PDE7B: variants seen among roughly 807,000 people sequenced by gnomAD.
PDE7B encodes the protein 3',5'-cyclic-AMP phosphodiesterase 7B.
A neutral mutation model predicts 56.2 loss-of-function variants in PDE7B; 29 were observed. That is an observed-to-expected ratio of 0.52 (90% CI 0.38 to 0.70). The LOEUF is 0.70. Among genes scored for constraint, PDE7B ranks in the 30% least tolerant of loss-of-function variants. The pLI, the probability that PDE7B is intolerant of heterozygous loss-of-function variation, is 0.00. For synonymous variants in PDE7B, 197 were observed against 196.9 expected, an observed-to-expected ratio of 1.00 and a Z score of 0.00; for missense variants, 490 against 565.0, an observed-to-expected ratio of 0.87 and a Z score of 1.35.
At chr6:136,066,361 G>T (rs2128213311) in intron 2 of PDE7B, among the ~76,000 whole-genome samples, 1 of 152,284 alleles carries the variant, frequency 6.6e-6, no homozygotes, top group Non-Finnish European at 1.5e-5. Flanking sequence ...GATAGGAGAG[G>T]TGGGATGACT....
intron 1 of PDE7B, among the ~76,000 whole-genome samples, chr6:135,931,153 G>A (rs1486443920): frequency 6.6e-6 from 1 of 152,160 alleles, no homozygotes; most frequent in African/African-American, 2.4e-5. Flanking sequence ...ATAAAGACTA[G>A]TAATGATTTC....
At chr6:136,132,513 A>G (rs113491488) in intron 3 of PDE7B, among the ~76,000 whole-genome samples, 1,862 of 152,076 alleles carry the variant, frequency 0.012, 14 homozygotes, top group South Asian at 0.018. Flanking sequence ...ACCTTTCCAA[A>G]CTCATTTCTT....
At chr6:136,164,373 C>T (rs1201427504) in intron 8 of PDE7B, among the ~76,000 whole-genome samples, 1 of 152,104 alleles carries the variant, frequency 6.6e-6, no homozygotes, top group Non-Finnish European at 1.5e-5. Context: ...CCTCCTGTCA[C>T]ATGTATGGAT....
intron 1 of PDE7B, among the ~76,000 whole-genome samples, chr6:135,877,358 C>CTTTTTT (rs11302793): frequency 7.9e-6 from 1 of 126,948 alleles, no homozygotes; most frequent in Non-Finnish European, 1.7e-5. Context: ...TTACACATTC[C>CTTTTTT]TTTTTTTTTT....
intron 3 of PDE7B, among the ~76,000 whole-genome samples, chr6:136,146,473 G>A (rs138804806): frequency 1.3e-3 from 201 of 152,284 alleles, no homozygotes; most frequent in African/African-American, 4.3e-3. Context: ...ACCAGTAAGA[G>A]AGAATACACC....
At chr6:135,973,845 C>T (rs4072488) in intron 2 of PDE7B, among the ~76,000 whole-genome samples, 61,864 of 152,020 alleles carry the variant, frequency 0.41, 12,747 homozygotes, top group Admixed American at 0.53. Context: ...CCCATTTGAA[C>T]GGTAACACTT....
Position 135,963,105 on chromosome 6 carries a change from C to T in PDE7B, c.82+15581C>T, listed in dbSNP as rs151162316. On this transcript the variant is annotated intron_variant, in intron 2 of 12. Coordinates refer to ENST00000308191, the MANE Select transcript of PDE7B (RefSeq NM_018945.4). ...TGGAACTTTCTGAGGTTCTCAAAATCGAAACATGTAACACAGCCACACTAG... is the reference window on the plus strand; with the variant it reads ...TGGAACTTTCTGAGGTTCTCAAAATTGAAACATGTAACACAGCCACACTAG... Among the ~76,000 whole-genome samples, 239 of 152,240 alleles carry T rather than the reference C, an allele frequency of 1.6e-3. 1 individual carries two copies. In the East Asian group the frequency reaches 0.027, roughly 17 times the overall value.
chr6:135,900,344 T>G (rs1223314151), intron 1 of PDE7B, among the ~76,000 whole-genome samples: 2 of 152,136 alleles, frequency 1.3e-5, no homozygotes, highest in Admixed American at 6.6e-5. Flanking sequence ...GTTTTTTATA[T>G]GTTCTTTTAT....
intron 2 of PDE7B, chr6:136,044,268 G>A (rs1363947243): frequency 6.6e-6 from 1 of 152,012 alleles, no homozygotes; most frequent in Admixed American, 6.6e-5. Context: ...TCTCCTTCTA[G>A]ATTCCAGCTC....
At chr6:136,133,685 G>T (rs1389782453) in intron 3 of PDE7B, among the ~76,000 whole-genome samples, 1 of 152,120 alleles carries the variant, frequency 6.6e-6, no homozygotes. Context: ...GTAAGACATG[G>T]TCCTAGCCTA....
At chr6:136,135,502 C>G (rs1297775705) in intron 3 of PDE7B, among the ~76,000 whole-genome samples, 4 of 151,798 alleles carry the variant, frequency 2.6e-5, no homozygotes, top group Non-Finnish European at 5.9e-5. Context: ...AATATGTCCA[C>G]CCATGTGAGG....
intron 2 of PDE7B, among the ~76,000 whole-genome samples, chr6:135,967,813 A>C (rs967449914): frequency 3.3e-5 from 5 of 152,230 alleles, no homozygotes; most frequent in Non-Finnish European, 7.3e-5. Context: ...TAAAGAGGTC[A>C]TGGGCAAGAG....
At chr6:136,001,213 C>G (rs1192593698) in intron 2 of PDE7B, among the ~76,000 whole-genome samples, 1 of 147,580 alleles carries the variant, frequency 6.8e-6, no homozygotes, top group Non-Finnish European at 1.5e-5. Flanking sequence ...TCACCATCAT[C>G]AAAGACCAAA....
rs558269408 is a variant in PDE7B at position 136,009,348 on chromosome 6, G to A, written c.82+61824G>A. Among the ~76,000 whole-genome samples, 27 of 152,246 alleles carry A rather than the reference G, an allele frequency of 1.8e-4. No individual in the cohort carries two copies. In the South Asian group the frequency reaches 5.0e-3, roughly 28 times the overall value. ...TTTTTGGTTCCATATGAACTTTAAAGTAGTTTTTTCTAATTCTGTGAAGAA... is the reference window on the plus strand; with the variant it reads ...TTTTTGGTTCCATATGAACTTTAAAATAGTTTTTTCTAATTCTGTGAAGAA... On this transcript the variant is annotated intron_variant, in intron 2 of 12. Coordinates refer to ENST00000308191, the MANE Select transcript of PDE7B (RefSeq NM_018945.4).
At chr6:136,082,618 A>G (rs1262274155) in intron 2 of PDE7B, among the ~76,000 whole-genome samples, 1 of 152,220 alleles carries the variant, frequency 6.6e-6, no homozygotes, top group Non-Finnish European at 1.5e-5. Flanking sequence ...TCGGCTATGA[A>G]TGAGTTTTCT....
Position 135,851,858 on chromosome 6 carries a change from CTTTT to C in PDE7B, c.-131_-128del. 1 of 508,594 alleles carries C rather than the reference CTTTT, an allele frequency of 2.0e-6. No individual in the cohort carries two copies. Among genetic ancestry groups the C allele is most frequent in the Non-Finnish European group, 3.5e-6 (1 of 282,580 alleles). The allele number at this position is 508,594 out of a possible 1,614,324, so 31.5% of individuals were successfully genotyped here. ...TTCTTTATTTCTTTTCCTTTTTTTT[CTTTT>C]TTTTTTTTTGTTACTTAATTATATT... On this transcript the variant is annotated 5_prime_UTR_variant, in exon 1 of 13. Transcript: ENST00000308191.
chr6:135,926,717 T>C (rs893704950), intron 1 of PDE7B, among the ~76,000 whole-genome samples: 2 of 152,134 alleles, frequency 1.3e-5, no homozygotes, highest in Admixed American at 6.5e-5. Context: ...CTTTCTCAAA[T>C]GTCACGATGT....
intron 2 of PDE7B, among the ~76,000 whole-genome samples, chr6:136,003,882 G>T (rs1775721617): frequency 1.3e-5 from 2 of 152,048 alleles, no homozygotes; most frequent in South Asian, 2.1e-4. Context: ...TACCAAAGCA[G>T]GGCAGAGACA....
At chr6:136,084,319 A>T (rs2128215464) in intron 2 of PDE7B, among the ~76,000 whole-genome samples, 1 of 152,338 alleles carries the variant, frequency 6.6e-6, no homozygotes, top group Admixed American at 6.5e-5. Context: ...TACCTTGGAA[A>T]ATTACTAGTT....
Sources: gnomAD v4.1 joint callset for allele counts (sites outside exome capture counted in the v4.1 genomes callset) on GRCh38, gnomAD v4.1.1 for gene constraint, MANE v1.5 for transcripts, NCBI Gene and HGNC (gene_info 2026-07-23, HGNC 2026-07-21) for gene names.